Variants in GPR160 observed in about 807,000 individuals in gnomAD.
The protein encoded by GPR160 is probable G protein-coupled receptor 160.
A neutral mutation model predicts 2.6 loss-of-function variants in GPR160; 2 were observed. The observed-to-expected ratio is 0.77, with a 90% CI of 0.32 to 2.44. The LOEUF (loss-of-function observed/expected upper bound fraction) is 2.44, where lower values mean the gene tolerates loss of function less well. Ranked by LOEUF, GPR160 falls within the 30% of genes most tolerant of loss-of-function variation. The pLI is 0.11. For missense variants in GPR160, 351 were observed against 383.6 expected (o/e 0.91, Z 0.71); for synonymous variants, 130 against 132.2 (o/e 0.98, Z 0.12).
chr3:170,053,273 A>G (rs569932986), intron 2 of GPR160, among the ~76,000 whole-genome samples: 1 of 152,272 alleles, frequency 6.6e-6, no homozygotes, highest in African/African-American at 2.4e-5. Flanking sequence ...TGAACATGGC[A>G]TATCTCTGTT....
At chr3:170,061,046 G>A (rs1390808214) in intron 2 of GPR160, among the ~76,000 whole-genome samples, 1 of 152,072 alleles carries the variant, frequency 6.6e-6, no homozygotes, top group African/African-American at 2.4e-5. Context: ...AGGCCCAGGA[G>A]GGTGGATTGC....
At chr3:170,051,428 A>G (rs752653564) in intron 2 of GPR160, among the ~76,000 whole-genome samples, 5 of 152,150 alleles carry the variant, frequency 3.3e-5, no homozygotes, top group Non-Finnish European at 7.4e-5. Flanking sequence ...ATTCTTTATC[A>G]AATATATGGT....
intron 2 of GPR160, among the ~76,000 whole-genome samples, chr3:170,072,089 T>TTTC (rs1553769197): frequency 6.7e-6 from 1 of 148,706 alleles, no homozygotes; most frequent in Non-Finnish European, 1.5e-5. Context: ...TTTTTTTTTT[T>TTTC]TGTGAGGCAG....
intron 2 of GPR160, among the ~76,000 whole-genome samples, chr3:170,043,707 T>C (rs968977332): frequency 2.0e-5 from 3 of 152,146 alleles, no homozygotes; most frequent in Non-Finnish European, 4.4e-5. Context: ...CTAGGCAAAC[T>C]ATCTTCTTAT....
At chr3:170,080,851 C>A (rs1043564749) in intron 3 of GPR160, among the ~76,000 whole-genome samples, 5 of 152,164 alleles carry the variant, frequency 3.3e-5, no homozygotes, top group African/African-American at 1.2e-4. Flanking sequence ...TAGGCCCCCA[C>A]CACCACACCC....
At chr3:170,043,464 G>A (rs1716552747) in intron 2 of GPR160, among the ~76,000 whole-genome samples, 1 of 152,070 alleles carries the variant, frequency 6.6e-6, no homozygotes, top group Non-Finnish European at 1.5e-5. Flanking sequence ...ATTAAGGTGT[G>A]ATCCACCATG....
chr3:170,078,105 G>A (rs1310383632), intron 2 of GPR160: 1 of 152,170 alleles, frequency 6.6e-6, no homozygotes, highest in African/African-American at 2.4e-5. Context: ...GCCCAATTAA[G>A]GGACCTAATG....
intron 2 of GPR160, among the ~76,000 whole-genome samples, chr3:170,072,254 T>C (rs1712633371): frequency 6.6e-6 from 1 of 151,952 alleles, no homozygotes; most frequent in Non-Finnish European, 1.5e-5. Context: ...TTTGTATTTT[T>C]AGTAGATATG....
rs1713288692 is a variant in GPR160, at chr3:170,084,199, T to C, written c.227T>C (p.Ile76Thr). Residue 76 changes from isoleucine to threonine, a missense_variant, in exon 4 of 4, where the codon ATA (isoleucine) becomes ACA (threonine). Transcript: ENST00000355897. ...DLLLLVNISI[I>T]LYFRDFVLLS... is the part of the protein sequence containing the mutation. ...TTACTTTTGGTAAACATTTCCATTA[T>C]ATTGTATTTCAGGGATTTTGTACTT... The C allele has an allele frequency of 1.9e-6, 3 of 1,594,370 alleles. No individual in the cohort carries two copies. Among genetic ancestry groups the C allele is most frequent in the South Asian group, 1.1e-5 (1 of 88,056 alleles).
intron 2 of GPR160, among the ~76,000 whole-genome samples, chr3:170,043,243 G>T (rs983228079): frequency 1.3e-5 from 2 of 151,922 alleles, no homozygotes; most frequent in African/African-American, 4.8e-5. Flanking sequence ...GTGCAATGGT[G>T]TGATCTCAGC....
intron 2 of GPR160, among the ~76,000 whole-genome samples, chr3:170,050,605 A>C (rs1232620510): frequency 6.6e-6 from 1 of 152,148 alleles, no homozygotes. Context: ...TCTCTCTGCC[A>C]GTATACAATC....
Position 170,084,422 on chromosome 3 carries a change from C to G in GPR160, c.450C>G (p.Val150=). 1 of 1,608,762 alleles carries G rather than the reference C, an allele frequency of 6.2e-7. No individual in the cohort carries two copies. The highest frequency in any genetic ancestry group is 1.3e-5 in the African/African-American group (1 of 74,968). The part of the protein sequence containing the change: ...FFTVILIWIS[V]LAYVLGDPAI... ...CAGTAATTTTAATTTGGATTTCAGT[C>G]CTTGCTTATGTTTTGGGAGACCCAG... is the stretch of plus-strand genomic sequence containing the variant. Residue 150 remains valine (V), a synonymous_variant, in exon 4 of 4, where the codon GTC becomes GTG. Transcript: ENST00000355897.
intron 2 of GPR160, among the ~76,000 whole-genome samples, chr3:170,078,820 A>G (rs1166108718): frequency 6.6e-6 from 1 of 152,206 alleles, no homozygotes; most frequent in African/African-American, 2.4e-5. Context: ...TGATGCAAAA[A>G]AAAGGGGGAG....
At chr3:170,071,061 G>A (rs144606991) in intron 2 of GPR160, among the ~76,000 whole-genome samples, 8 of 150,242 alleles carry the variant, frequency 5.3e-5, no homozygotes, top group African/African-American at 2.0e-4. Context: ...TCTGGCCATA[G>A]GGATTCGTTT....
chr3:170,071,101 A>G (rs1390090326), intron 2 of GPR160, among the ~76,000 whole-genome samples: 1 of 151,908 alleles, frequency 6.6e-6, no homozygotes, highest in Non-Finnish European at 1.5e-5. Context: ...TAATTGAACC[A>G]CACACTCTAT....
In GPR160 at chr3:170,084,698, C is replaced by G; in HGVS notation, c.726C>G (p.Ser242=). Residue 242 remains serine (S), a synonymous_variant, in exon 4 of 4, where the codon TCC becomes TCG. Transcript: ENST00000355897. ...TGAGATCTAAAAAAATATTCTTATC[C>G]AAGCTCATTGTCTGTTTTCTCAGTA... is the stretch of plus-strand genomic sequence containing the variant. ...YTVRSKKIFL[S]KLIVCFLSTW... is the part of the protein sequence containing the mutation. The G allele has an allele frequency of 1.2e-6, 2 of 1,612,036 alleles. No individual in the cohort carries two copies. Among genetic ancestry groups the G allele is most frequent in the South Asian group, 1.1e-5 (1 of 91,022 alleles).
chr3:170,070,183 A>G lies in GPR160; in HGVS notation c.-192-9591A>G, dbSNP rs370567117. Among the ~76,000 whole-genome samples, 28 of 152,300 alleles carry G rather than the reference A, an allele frequency of 1.8e-4. No homozygotes were observed. The East Asian group carries it at 4.4e-3, about 24-fold the overall frequency. On this transcript the variant is annotated intron_variant, in intron 2 of 3. Transcript: ENST00000355897. ...CCATGAATTCAGATAAATTCTACAC[A>G]TTGCACTTAGTTGATATATCCTAAG...
rs1713327915 is a variant in GPR160, at chr3:170,084,662, C to T, written c.690C>T (p.Ser230=). The T allele has an allele frequency of 1.2e-6, 2 of 1,607,518 alleles. No individual in the cohort carries two copies. The highest frequency in any genetic ancestry group is 1.7e-5 in the Admixed American group (1 of 59,952). The change falls in exon 4 of 4, where the codon TCC becomes TCT. Residue 230 remains serine (S), a synonymous_variant. Coordinates refer to ENST00000355897, the MANE Select transcript of GPR160 (RefSeq NM_014373.3). The part of the protein sequence containing the change: ...TILYFPFSSH[S]SYTVRSKKIF... ...TATATTTTCCTTTTTCATCCCACTC[C>T]AGTTATACTGTGAGATCTAAAAAAA...
chr3:170,061,666 C>A (rs903109880), intron 2 of GPR160, among the ~76,000 whole-genome samples: 4 of 152,002 alleles, frequency 2.6e-5, no homozygotes, highest in Non-Finnish European at 5.9e-5. Context: ...ACTAAGATAA[C>A]CATCATTAAC....
Sources: gnomAD v4.1 joint callset for allele counts (sites outside exome capture counted in the v4.1 genomes callset) on GRCh38, gnomAD v4.1.1 for gene constraint, MANE v1.5 for transcripts, NCBI Gene and HGNC (gene_info 2026-07-23, HGNC 2026-07-21) for gene names.